The following DAPK2 variants were observed in gnomAD, a reference collection of about 807,000 sequenced individuals.
The protein encoded by DAPK2 is death-associated protein kinase 2.
DAPK2 carries 35 observed loss-of-function variants against 44.1 expected under a neutral mutation model. The observed-to-expected ratio is 0.79, with a 90% CI of 0.61 to 1.05. The LOEUF (loss-of-function observed/expected upper bound fraction) is 1.05, where lower values mean the gene tolerates loss of function less well. Among genes scored for constraint, DAPK2 ranks in the 50% least tolerant of loss-of-function variants. DAPK2 has a pLI of 0.00. For missense variants in DAPK2, 453 were observed against 483.2 expected, an observed-to-expected ratio of 0.94 and a Z score of 0.59; for synonymous variants, 174 against 182.6, an observed-to-expected ratio of 0.95 and a Z score of 0.38.
In DAPK2 at chr15:63,912,560, G is replaced by T. The variant is rs568653800; in HGVS notation, c.859-363C>A. Among the ~76,000 whole-genome samples, 1 of 152,324 alleles carries T rather than the reference G, an allele frequency of 6.6e-6. No individual in the cohort carries two copies. Among genetic ancestry groups the T allele is most frequent in the South Asian group, 2.1e-4 (1 of 4,826 alleles). ...GCCCTCTGGGCACTGGGGTGATTCTGGGCTTGGCAAAACAAATGCCTTGTT... is the reference window on the plus strand; with the variant it reads ...GCCCTCTGGGCACTGGGGTGATTCTTGGCTTGGCAAAACAAATGCCTTGTT... On this transcript the variant is annotated intron_variant, in intron 8 of 10. Coordinates refer to ENST00000261891, the Ensembl canonical transcript of DAPK2. The surrounding 1 kb of genome is among the most constrained non-coding windows in gnomAD (Gnocchi z 4.4).
In DAPK2 at chr15:64,013,535, C is replaced by A. The variant is rs1868441; in HGVS notation, c.92+26635G>T. 2.0e-3 allele frequency among the ~76,000 whole-genome samples: 311 copies of A among 152,268 alleles called. 5 individuals carry two copies. The highest frequency in any genetic ancestry group is 7.0e-3 in the African/African-American group (291 of 41,564). On this transcript the variant is annotated intron_variant, in intron 1 of 10. Transcript: ENST00000261891. This position sits in a 1 kb window ranked among gnomAD's most constrained non-coding sequence, Gnocchi z 4.7. ...CTTAAGAAAACATGAGGAGAAGGGG[C>A]AAGAACTTTAAAAGTAGAAAAACCT...
At chr15:64,016,093 G>A (rs1218566258) in intron 1 of DAPK2, among the ~76,000 whole-genome samples, 2 of 152,224 alleles carry the variant, frequency 1.3e-5, no homozygotes, top group African/African-American at 4.8e-5. Context: ...ACGCAGCGCA[G>A]GGAGGGCTGG....
At chr15:64,038,195 G>A (rs1195252191) in intron 1 of DAPK2, among the ~76,000 whole-genome samples, 3 of 152,146 alleles carry the variant, frequency 2.0e-5, no homozygotes, top group Non-Finnish European at 4.4e-5. Context: ...TCCAATCCAA[G>A]AATGCCCTTG....
Position 63,917,807 on chromosome 15 carries a change from C to T in DAPK2, c.859-5610G>A, listed in dbSNP as rs2078967857. ...GTGGGGACGGCGTCCCTGGGAAGGCCTCTCTTCTCTGCAACCCTCTTACCC... is the reference window on the plus strand; with the variant it reads ...GTGGGGACGGCGTCCCTGGGAAGGCTTCTCTTCTCTGCAACCCTCTTACCC... On this transcript the variant is annotated intron_variant, in intron 8 of 10. Coordinates refer to ENST00000261891, the Ensembl canonical transcript of DAPK2. The surrounding 1 kb of genome is among the most constrained non-coding windows in gnomAD (Gnocchi z 4.4). 1 of 152,146 alleles carries T rather than the reference C, an allele frequency of 6.6e-6. No homozygotes were observed. The highest frequency in any genetic ancestry group is 2.1e-4 in the South Asian group (1 of 4,826). 9.4% of individuals were successfully genotyped at this position (152,146 alleles called of 1,614,324 possible). A position where few individuals can be genotyped will look rare whatever the true frequency, so the allele number is the denominator to read the frequency against.
Position 63,924,729 on chromosome 15 carries a change from TG to T in DAPK2, c.858+86del, listed in dbSNP as rs2079188700. The T allele has an allele frequency of 3.4e-6, 5 of 1,461,458 alleles. No individual in the cohort carries two copies. In the East Asian group the frequency reaches 1.1e-4, roughly 33 times the overall value. 90.5% of individuals were successfully genotyped at this position (1,461,458 alleles called of 1,614,324 possible). A position where few individuals can be genotyped will look rare whatever the true frequency, so the allele number is the denominator to read the frequency against. On this transcript the variant is annotated intron_variant, in intron 8 of 10. Transcript: ENST00000261891. Reference sequence around the variant, plus strand: ...AGTGTTTAAAGCAAAGGCCTCTCCATGGGCCCTCTGCATCTGGCTGCCCAGG... The same window carrying T: ...AGTGTTTAAAGCAAAGGCCTCTCCATGGCCCTCTGCATCTGGCTGCCCAGG...
chr15:63,971,551 C>T, exon 3 of DAPK2: 3 of 1,614,146 alleles, frequency 1.9e-6, no homozygotes, highest in Non-Finnish European at 2.5e-6. Flanking sequence ...AAGAGCTCTC[C>T]TCCAGACACT....
At chr15:63,985,821 A>C (rs1261513600) in intron 1 of DAPK2, among the ~76,000 whole-genome samples, 1 of 152,006 alleles carries the variant, frequency 6.6e-6, no homozygotes, top group Non-Finnish European at 1.5e-5. Context: ...AAACAGTGGC[A>C]TTTTTTTTCT....
chr15:64,021,377 G>A (rs903797954), intron 1 of DAPK2, among the ~76,000 whole-genome samples: 2 of 152,082 alleles, frequency 1.3e-5, no homozygotes, highest in African/African-American at 4.8e-5. Flanking sequence ...ACCCCCTCCA[G>A]ACAAGAAAAC....
chr15:64,036,353 ATT>A (rs1253980981), intron 1 of DAPK2, among the ~76,000 whole-genome samples: 1 of 138,354 alleles, frequency 7.2e-6, no homozygotes, highest in African/African-American at 2.6e-5. Flanking sequence ...ATATATATAT[ATT>A]TTAGTTAAGG....
At chr15:64,046,408 G>GAAC, upstream of DAPK2, 2 of 345,706 alleles carry the variant, frequency 5.8e-6, no homozygotes, top group Non-Finnish European at 8.1e-6. The surrounding 1 kb of genome is among the most constrained non-coding windows in gnomAD (Gnocchi z 5.3). Context: ...GACGCGGCGG[G>GAAC]GTGCGCTGGG....
intron 1 of DAPK2, among the ~76,000 whole-genome samples, chr15:63,996,035 A>T (rs2078942400): frequency 6.6e-6 from 1 of 152,236 alleles, no homozygotes; most frequent in South Asian, 2.1e-4. Context: ...ACCAAATGAC[A>T]ACAACTATGA....
chr15:63,960,741 T>C (rs1233332301), intron 3 of DAPK2, among the ~76,000 whole-genome samples: 2 of 152,202 alleles, frequency 1.3e-5, no homozygotes, highest in Admixed American at 6.5e-5. Context: ...TTCTTTTACA[T>C]TGGCTGAGGA....
At chr15:64,018,580 C>T (rs2079598786) in intron 1 of DAPK2, among the ~76,000 whole-genome samples, 1 of 152,206 alleles carries the variant, frequency 6.6e-6, no homozygotes, top group East Asian at 1.9e-4. Flanking sequence ...GGCCACCTGT[C>T]CCGTGGTTCT....
chr15:63,996,967 G>A (rs1012064583), intron 1 of DAPK2, among the ~76,000 whole-genome samples: 2 of 151,928 alleles, frequency 1.3e-5, no homozygotes, highest in African/African-American at 4.8e-5. Flanking sequence ...CAGCCTTTCT[G>A]CCCACAAGCC....
intron 1 of DAPK2, among the ~76,000 whole-genome samples, chr15:64,036,032 G>C (rs6494460): frequency 6.6e-6 from 1 of 151,598 alleles, no homozygotes; most frequent in Non-Finnish European, 1.5e-5. Flanking sequence ...TTATTTTTTG[G>C]GGGGAGGATC....
chr15:63,993,661 T>C (rs1280688012), intron 1 of DAPK2, among the ~76,000 whole-genome samples: 1 of 152,076 alleles, frequency 6.6e-6, no homozygotes, highest in African/African-American at 2.4e-5. Flanking sequence ...GGGCTGTGAA[T>C]GGGGAAGACT....
chr15:64,035,293 T>A (rs427789), intron 1 of DAPK2, among the ~76,000 whole-genome samples: 3 of 152,064 alleles, frequency 2.0e-5, no homozygotes, highest in Admixed American at 1.3e-4. Flanking sequence ...GTTGTCTATG[T>A]GGAAGTTCAC....
At chr15:64,028,664 A>G (rs1278952116) in intron 1 of DAPK2, among the ~76,000 whole-genome samples, 12 of 152,182 alleles carry the variant, frequency 7.9e-5, no homozygotes, top group Admixed American at 7.9e-4. Context: ...TCACTAGGAA[A>G]TCCATAGTGA....
intron 1 of DAPK2, among the ~76,000 whole-genome samples, chr15:64,022,830 T>A (rs1433330193): frequency 6.6e-6 from 1 of 152,124 alleles, no homozygotes; most frequent in Non-Finnish European, 1.5e-5. Context: ...AATACTTGTG[T>A]GTGTGTATTC....
Sources: allele counts gnomAD v4.1 joint callset (sites outside exome capture counted in the v4.1 genomes callset), GRCh38; gene constraint gnomAD v4.1.1; non-coding constraint Gnocchi (gnomAD v3.1); transcripts MANE v1.5; gene names NCBI Gene and HGNC (gene_info 2026-07-23, HGNC 2026-07-21).